Variants in ATP8A1 observed in about 807,000 individuals in gnomAD.
ATP8A1 encodes the protein ATPase phospholipid transporting 8A1.
ATP8A1 carries 90 observed loss-of-function variants against 177.7 expected under a neutral mutation model. The ratio of observed to expected loss-of-function variants is 0.51; its 90% CI spans 0.43 to 0.60. The LOEUF (loss-of-function observed/expected upper bound fraction) is 0.60, where lower values mean the gene tolerates loss of function less well. ATP8A1 is among the 20% of genes least tolerant of loss of function. ATP8A1 has a pLI of 0.00. For synonymous variants in ATP8A1, 493 were observed against 485.9 expected, an observed-to-expected ratio of 1.01 and a Z score of -0.19; for missense variants, 1,072 against 1,392.8, an observed-to-expected ratio of 0.77 and a Z score of 3.67.
At chr4:42,578,148 C>T in intron 12 of ATP8A1, 112 bp downstream of exon 12, 5 of 1,032,156 alleles carry the variant, frequency 4.8e-6, no homozygotes, top group Non-Finnish European at 6.6e-6. Flanking sequence ...AAATCTGATA[C>T]TGTGGTCAAG....
intron 25 of ATP8A1, among the ~76,000 whole-genome samples, chr4:42,482,334 CAAAAA>C (rs11445014): frequency 6.9e-6 from 1 of 145,054 alleles, no homozygotes; most frequent in African/African-American, 2.6e-5. Context: ...AACAAACAAA[CAAAAA>C]AAAAAAAGAA....
chr4:42,523,327 C>T (rs552276387), intron 21 of ATP8A1, among the ~76,000 whole-genome samples: 3 of 152,262 alleles, frequency 2.0e-5, no homozygotes, highest in East Asian at 1.9e-4. Flanking sequence ...AAGAAGACAA[C>T]GCCCTCACTC....
intron 20 of ATP8A1, among the ~76,000 whole-genome samples, chr4:42,542,458 T>C (rs949831375): frequency 2.6e-5 from 4 of 152,130 alleles, no homozygotes; most frequent in Non-Finnish European, 4.4e-5. Flanking sequence ...TTATTTATTA[T>C]TATACTTTAA....
At position 42,411,029 on chromosome 4, in the gene ATP8A1, A is replaced by G. The variant is rs1455694799; in HGVS notation, c.*1887T>C. ...CTGAATATTCATTCACTGGACAGGT[A>G]AAGACTGGGACTTCAGAATTTTGAA... On this transcript the variant is annotated 3_prime_UTR_variant, in exon 37 of 37. Transcript: ENST00000381668. 1 of 152,178 alleles carries G rather than the reference A, an allele frequency of 6.6e-6. No homozygotes were observed. The highest frequency in any genetic ancestry group is 2.4e-5 in the African/African-American group (1 of 41,442). 9.4% of individuals were successfully genotyped at this position (152,178 alleles called of 1,614,324 possible).
intron 1 of ATP8A1, among the ~76,000 whole-genome samples, chr4:42,632,507 C>T (rs1445464739): frequency 1.3e-5 from 2 of 152,120 alleles, no homozygotes; most frequent in Non-Finnish European, 2.9e-5. Flanking sequence ...TGGCCAAATG[C>T]TATTTCTAAA....
rs752643009 is a variant in ATP8A1, at chr4:42,579,790, G to A, written c.1000+23C>T. ...AATACATGTCTTAATCTAAAAAAGT[G>A]CAGTAAGCACTTTATTGCTTACAGT... is the stretch of plus-strand genomic sequence containing the variant. On this transcript the variant is annotated intron_variant, in intron 11 of 36. Transcript: ENST00000381668. 3.2e-6 allele frequency: 5 copies of A among 1,584,516 alleles called. No homozygotes were observed. The South Asian group carries it at 3.5e-5, about 11-fold the overall frequency.
At chr4:42,560,452 A>G (rs1481553571) in intron 15 of ATP8A1, among the ~76,000 whole-genome samples, 3 of 152,150 alleles carry the variant, frequency 2.0e-5, no homozygotes, top group African/African-American at 7.2e-5. Context: ...CACTAAATGC[A>G]CATTATACAC....
chr4:42,454,661 GGTGTGTGT>G (rs142603417), intron 29 of ATP8A1, among the ~76,000 whole-genome samples: 1 of 151,182 alleles, frequency 6.6e-6, no homozygotes, highest in Non-Finnish European at 1.5e-5. Context: ...TAGAAAATGA[GGTGTGTGT>G]GTGTGTGTGT....
At chr4:42,652,293 G>C (rs954764409) in intron 1 of ATP8A1, among the ~76,000 whole-genome samples, 1 of 152,014 alleles carries the variant, frequency 6.6e-6, no homozygotes, top group East Asian at 1.9e-4. Flanking sequence ...GGGTATCTTG[G>C]GAGGCTCATT....
At chr4:42,630,539 C>A (rs1738623704) in intron 1 of ATP8A1, among the ~76,000 whole-genome samples, 1 of 152,182 alleles carries the variant, frequency 6.6e-6, no homozygotes, top group African/African-American at 2.4e-5. Flanking sequence ...TCTGTAAAGT[C>A]ATGCTAAAGG....
chr4:42,492,745 T>C (rs1722854927), intron 24 of ATP8A1, among the ~76,000 whole-genome samples: 1 of 152,228 alleles, frequency 6.6e-6, no homozygotes, highest in South Asian at 2.1e-4. Flanking sequence ...TTTTTCTTCA[T>C]GAGTTCACCA....
intron 15 of ATP8A1, among the ~76,000 whole-genome samples, chr4:42,560,671 G>A (rs375792901): frequency 1.3e-5 from 2 of 151,764 alleles, no homozygotes; most frequent in African/African-American, 4.8e-5. Flanking sequence ...GACAAATTAC[G>A]AATTCTTTAA....
At chr4:42,572,405 C>T (rs1275718484) in intron 14 of ATP8A1, among the ~76,000 whole-genome samples, 1 of 152,186 alleles carries the variant, frequency 6.6e-6, no homozygotes, top group Non-Finnish European at 1.5e-5. Context: ...TGGAGACTGG[C>T]TGTAATTAAG....
intron 20 of ATP8A1, among the ~76,000 whole-genome samples, chr4:42,527,336 G>A (rs763705420): frequency 1.4e-4 from 21 of 152,150 alleles, no homozygotes; most frequent in East Asian, 1.9e-4. Context: ...ATGGGACCCC[G>A]CAACTTGGAA....
Position 42,414,620 on chromosome 4 carries a change from TACTC to T in ATP8A1, c.3397+3_3397+6del. 1 of 1,610,384 alleles carries T rather than the reference TACTC, an allele frequency of 6.2e-7. No homozygotes were observed. Among genetic ancestry groups the T allele is most frequent in the Non-Finnish European group, 8.5e-7 (1 of 1,176,622 alleles). On this transcript the variant is annotated splice_donor_5th_base_variant and intron_variant, in intron 36 of 36. Transcript: ENST00000381668. ...TTTATTTAAAAATAAGAAACTCAAA[TACTC>T]ACGGAGCAGATTTTGTTGCAAGGAT...
chr4:42,609,372 A>G (rs932869942), intron 5 of ATP8A1, among the ~76,000 whole-genome samples: 18 of 152,190 alleles, frequency 1.2e-4, no homozygotes, highest in Non-Finnish European at 1.2e-4. Flanking sequence ...ATGTGATCGG[A>G]GCACAAAGAC....
At chr4:42,444,109 G>A (rs916572172) in intron 32 of ATP8A1, among the ~76,000 whole-genome samples, 1 of 152,112 alleles carries the variant, frequency 6.6e-6, no homozygotes, top group South Asian at 2.1e-4. Context: ...TTTGTTTCCG[G>A]GGTCTCTACT....
intron 5 of ATP8A1, among the ~76,000 whole-genome samples, chr4:42,603,791 T>C (rs1735531129): frequency 6.6e-6 from 1 of 152,224 alleles, no homozygotes; most frequent in Non-Finnish European, 1.5e-5. Context: ...GCTAGTTTCC[T>C]GCATTCATTC....
intron 33 of ATP8A1, among the ~76,000 whole-genome samples, chr4:42,430,821 C>T (rs1429707783): frequency 1.3e-5 from 2 of 152,174 alleles, no homozygotes; most frequent in Non-Finnish European, 1.5e-5. Context: ...ACCCTGCAGT[C>T]TTCAGGCTCT....
Sources: allele counts gnomAD v4.1 joint callset (sites outside exome capture counted in the v4.1 genomes callset), GRCh38; gene constraint gnomAD v4.1.1; transcripts MANE v1.5; gene names NCBI Gene and HGNC (gene_info 2026-07-23, HGNC 2026-07-21).